EXOC2: variants seen among roughly 807,000 people sequenced by gnomAD.
EXOC2 encodes exocyst complex component 2.
In EXOC2, 70 loss-of-function variants were observed where a neutral mutation model predicts 131.8. That is an observed-to-expected ratio of 0.53 (90% confidence interval 0.44 to 0.65). EXOC2 has a LOEUF of 0.65. EXOC2 is among the 30% of genes least tolerant of loss of function. EXOC2 has a pLI of 0.00. For synonymous variants in EXOC2, 411 were observed against 398.4 expected, an observed-to-expected ratio of 1.03 and a Z score of -0.38; for missense variants, 923 against 1,108.6, an observed-to-expected ratio of 0.83 and a Z score of 2.38.
chr6:589,107 A>T (rs1221593834), intron 11 of EXOC2, among the ~76,000 whole-genome samples: 1 of 152,244 alleles, frequency 6.6e-6, no homozygotes, highest in African/African-American at 2.4e-5. Flanking sequence ...TCCTGAAAGT[A>T]TAAGTAGGAA....
At chr6:487,567 C>T (rs9392037) in intron 27 of EXOC2, among the ~76,000 whole-genome samples, 89,678 of 151,990 alleles carry the variant, frequency 0.59, 30,501 homozygotes, top group Non-Finnish European at 0.75. Context: ...CCACCACACC[C>T]GGCTAATTTT....
rs1380827504 is a variant in EXOC2, at chr6:489,001, G to T, written c.2659C>A (p.Leu887Ile). 2 of 1,613,948 alleles carry T rather than the reference G, an allele frequency of 1.2e-6. No individual in the cohort carries two copies. The highest frequency in any genetic ancestry group is 4.5e-5 in the East Asian group (2 of 44,880). Residue 887 changes from leucine to isoleucine, a missense_variant, in exon 27 of 28, where the codon CTT (leucine) becomes ATT (isoleucine). By Grantham distance (5) the Leu-to-Ile change is conservative. Coordinates refer to ENST00000230449, the MANE Select transcript of EXOC2 (RefSeq NM_018303.6). ...TACTTTTTATCTGCTCCACTGGAAAGCTGGGGCAGGGCTTCCAAAGCCTGC... is the reference window on the plus strand; with the variant it reads ...TACTTTTTATCTGCTCCACTGGAAATCTGGGGCAGGGCTTCCAAAGCCTGC... Reference protein sequence around the residue: ...FKQALEALPQLSSGADKKLLE... With the variant: ...FKQALEALPQISSGADKKLLE...
chr6:535,342 G>GT (rs1766374447), intron 22 of EXOC2, among the ~76,000 whole-genome samples: 1 of 151,974 alleles, frequency 6.6e-6, no homozygotes, highest in African/African-American at 2.4e-5. Flanking sequence ...TCCAATCTAG[G>GT]TAACAGAGCA....
At chr6:601,008 T>C (rs537073223) in intron 7 of EXOC2, among the ~76,000 whole-genome samples, 5 of 152,148 alleles carry the variant, frequency 3.3e-5, no homozygotes, top group Non-Finnish European at 5.9e-5. Flanking sequence ...ATGAGGGCAG[T>C]GAAACCAAGA....
At chr6:489,188 A>T in intron 26 of EXOC2, 150 bp from the exon 27 acceptor site, 1 of 752,268 alleles carries the variant, frequency 1.3e-6, no homozygotes, top group Non-Finnish European at 2.1e-6. Context: ...CAATAGAAAA[A>T]GTAAAAGTAA....
At chr6:655,953 T>A in intron 1 of EXOC2, 1 of 600,410 alleles carries the variant, frequency 1.7e-6, no homozygotes, top group East Asian at 2.7e-5. Flanking sequence ...TTACCAATGC[T>A]TTAATATAAA....
chr6:615,209 GTA>G (rs1384348294), intron 6 of EXOC2, among the ~76,000 whole-genome samples: 3 of 150,794 alleles, frequency 2.0e-5, no homozygotes, highest in South Asian at 2.1e-4. Context: ...GTGTGTGTGT[GTA>G]TGTATGTGTA....
intron 22 of EXOC2, among the ~76,000 whole-genome samples, chr6:542,226 C>T (rs1193041442): frequency 6.6e-6 from 1 of 152,188 alleles, no homozygotes; most frequent in Non-Finnish European, 1.5e-5. Flanking sequence ...TTCATTTTAT[C>T]ACTCTCTTAC....
chr6:572,770 G>T, intron 12 of EXOC2, 126 bp from the exon 13 acceptor site: 3 of 1,219,440 alleles, frequency 2.5e-6, no homozygotes, highest in Non-Finnish European at 3.4e-6. Context: ...GCCTGAGTCT[G>T]CGTGGACGCT....
chr6:561,960 A>G (rs1757723067), intron 17 of EXOC2, among the ~76,000 whole-genome samples: 1 of 152,238 alleles, frequency 6.6e-6, no homozygotes, highest in Non-Finnish European at 1.5e-5. Flanking sequence ...CAACAGGGAC[A>G]GGCATGGAAT....
chr6:571,668 T>C (rs1357879730), intron 13 of EXOC2, among the ~76,000 whole-genome samples: 1 of 152,222 alleles, frequency 6.6e-6, no homozygotes, highest in Non-Finnish European at 1.5e-5. Flanking sequence ...ATGTCCATTT[T>C]GTGTGTTGCC....
At chr6:545,368 CT>C (rs1756792795) in intron 22 of EXOC2, among the ~76,000 whole-genome samples, 1 of 152,118 alleles carries the variant, frequency 6.6e-6, no homozygotes, top group African/African-American at 2.4e-5. Flanking sequence ...AAATTATACG[CT>C]GAAGTTTATT....
chr6:503,052 C>CA (rs1319447460), intron 23 of EXOC2, among the ~76,000 whole-genome samples: 80 of 152,170 alleles, frequency 5.3e-4, no homozygotes, highest in African/African-American at 1.8e-3. Flanking sequence ...CCTCCCAGTG[C>CA]AGTGCCTGTG....
At chr6:537,065 A>G (rs1766484539) in intron 22 of EXOC2, among the ~76,000 whole-genome samples, 1 of 152,170 alleles carries the variant, frequency 6.6e-6, no homozygotes, top group Non-Finnish European at 1.5e-5. Flanking sequence ...GTTAGGGAAA[A>G]CCAAATAAAG....
At chr6:512,208 C>A (rs1031249841) in intron 23 of EXOC2, among the ~76,000 whole-genome samples, 1 of 152,228 alleles carries the variant, frequency 6.6e-6, no homozygotes, top group Non-Finnish European at 1.5e-5. Context: ...CAGTACTTTG[C>A]AAACTCAATT....
At chr6:689,785 T>A (rs1235038016) in intron 1 of EXOC2, among the ~76,000 whole-genome samples, 1 of 152,240 alleles carries the variant, frequency 6.6e-6, no homozygotes, top group African/African-American at 2.4e-5. Context: ...TTTACTGGTG[T>A]ATGTAAACAC....
At chr6:564,272 A>G in intron 15 of EXOC2, 118 bp from the exon 16 acceptor site, 1 of 1,441,828 alleles carries the variant, frequency 6.9e-7, no homozygotes, top group Non-Finnish European at 9.2e-7. Flanking sequence ...CATTAGGCTG[A>G]AAACAGAAAC....
At chr6:592,698 T>G (rs1759608797) in intron 10 of EXOC2, 111 bp from the exon 11 acceptor site, 3 of 719,242 alleles carry the variant, frequency 4.2e-6, no homozygotes, top group Middle Eastern at 2.5e-4. Context: ...CTGTCAAATA[T>G]TAGTCTTTAA....
At chr6:570,291 G>A (rs1406311665) in intron 13 of EXOC2, among the ~76,000 whole-genome samples, 2 of 151,996 alleles carry the variant, frequency 1.3e-5, no homozygotes, top group Non-Finnish European at 2.9e-5. Context: ...CCGCCACCAC[G>A]CCTGGCTAAT....
Sources: allele counts gnomAD v4.1 joint callset (sites outside exome capture counted in the v4.1 genomes callset), GRCh38; gene constraint gnomAD v4.1.1; transcripts MANE v1.5; gene names NCBI Gene and HGNC (gene_info 2026-07-23, HGNC 2026-07-21).